SORCS3: variants seen among roughly 807,000 people sequenced by gnomAD.
The protein encoded by SORCS3 is sortilin related VPS10 domain containing receptor 3, also known as VPS10 domain-containing receptor SorCS3.
A neutral mutation model predicts 146.3 loss-of-function variants in SORCS3; 57 were observed. The observed-to-expected ratio is 0.39, with a 90% CI of 0.31 to 0.49. SORCS3 has a LOEUF of 0.49. Among genes scored for constraint, SORCS3 ranks in the 20% least tolerant of loss-of-function variants. The probability of loss-of-function intolerance (pLI) is 0.92; values close to 1 mark genes in which losing one functional copy is unlikely to be tolerated. For missense variants in SORCS3, 1,341 were observed against 1,575.5 expected (o/e 0.85, Z 2.52); for synonymous variants, 653 against 618.5 (o/e 1.06, Z -0.83).
chr10:104,931,553 G>T (rs1287644846), intron 3 of SORCS3, among the ~76,000 whole-genome samples: 1 of 152,102 alleles, frequency 6.6e-6, no homozygotes, highest in Non-Finnish European at 1.5e-5. Context: ...TCTGAGTCAG[G>T]GTTGAATAAA....
In SORCS3 at chr10:105,264,874, A is replaced by ATATAATGTAT. The variant is rs2056982596; in HGVS notation, c.*1501_*1510dup. ...CTGAGCACACTTATTTTTGAAAATG[A>ATATAATGTAT]TATAATGTATATATATGGGAGGAAA... On this transcript the variant is annotated 3_prime_UTR_variant, in exon 27 of 27. Transcript: ENST00000369701. The ATATAATGTAT allele has an allele frequency of 6.6e-6, 1 of 152,658 alleles. No homozygotes were observed. The highest frequency in any genetic ancestry group is 1.5e-5 in the Non-Finnish European group (1 of 68,042). The allele number at this position is 152,658 out of a possible 1,614,324, so 9.5% of individuals were successfully genotyped here. A position where few individuals can be genotyped will look rare whatever the true frequency, so the allele number is the denominator to read the frequency against.
chr10:104,747,994 T>A (rs1468429214), intron 1 of SORCS3, among the ~76,000 whole-genome samples: 1 of 152,260 alleles, frequency 6.6e-6, no homozygotes, highest in African/African-American at 2.4e-5. Flanking sequence ...ACATGGTTGT[T>A]GTGAGGATTA....
intron 4 of SORCS3, among the ~76,000 whole-genome samples, chr10:105,021,665 A>G (rs1251295176): frequency 6.6e-6 from 1 of 152,190 alleles, no homozygotes; most frequent in East Asian, 1.9e-4. Context: ...ATAAATACAT[A>G]CCGCATAATA....
chr10:104,667,987 A>G (rs1024766170), intron 1 of SORCS3, among the ~76,000 whole-genome samples: 2 of 151,988 alleles, frequency 1.3e-5, no homozygotes, highest in Non-Finnish European at 2.9e-5. Flanking sequence ...GATTCATCTG[A>G]GTTTCAGGAG....
chr10:105,137,259 A>C (rs1233406503), intron 7 of SORCS3, among the ~76,000 whole-genome samples: 2 of 152,122 alleles, frequency 1.3e-5, no homozygotes, highest in Non-Finnish European at 2.9e-5. Flanking sequence ...TGTTTGGTTC[A>C]GGGTAAGGTT....
At chr10:104,705,025 G>T (rs141240886) in intron 1 of SORCS3, among the ~76,000 whole-genome samples, 5 of 152,116 alleles carry the variant, frequency 3.3e-5, no homozygotes, top group Middle Eastern at 3.4e-3. Flanking sequence ...CCCAACCCCA[G>T]ATATGTCTAT....
chr10:104,874,082 A>G (rs549373245), intron 2 of SORCS3, among the ~76,000 whole-genome samples: 1 of 152,222 alleles, frequency 6.6e-6, no homozygotes, highest in African/African-American at 2.4e-5. Flanking sequence ...AAGGGAGCTT[A>G]TCCTGAACAT....
intron 1 of SORCS3, among the ~76,000 whole-genome samples, chr10:104,838,174 T>A (rs2133542946): frequency 6.6e-6 from 1 of 152,244 alleles, no homozygotes; most frequent in Middle Eastern, 3.4e-3. Context: ...TCTGGGGCCA[T>A]CAGCTGGAGG....
intron 4 of SORCS3, among the ~76,000 whole-genome samples, chr10:105,003,002 C>T (rs2055071259): frequency 6.6e-6 from 1 of 152,150 alleles, no homozygotes; most frequent in South Asian, 2.1e-4. Flanking sequence ...ATCCCCGTTT[C>T]ATAGATATAA....
At chr10:104,892,285 C>T (rs957568573) in intron 2 of SORCS3, among the ~76,000 whole-genome samples, 8 of 152,124 alleles carry the variant, frequency 5.3e-5, no homozygotes, top group Admixed American at 1.3e-4. Flanking sequence ...TTATTTTGGC[C>T]GAGGGTGGAA....
chr10:104,658,447 T>G (rs1017543259), intron 1 of SORCS3, among the ~76,000 whole-genome samples: 1 of 152,238 alleles, frequency 6.6e-6, no homozygotes, highest in African/African-American at 2.4e-5. Context: ...CTTTTTTATT[T>G]TGAGATGGAG....
At chr10:105,250,487 T>G (rs932540131) in intron 22 of SORCS3, among the ~76,000 whole-genome samples, 1 of 152,156 alleles carries the variant, frequency 6.6e-6, no homozygotes, top group Admixed American at 6.5e-5. Context: ...TCCCTTTGGA[T>G]GGGTTAAATG....
At chr10:105,253,786 G>A (rs951532026) in intron 23 of SORCS3, among the ~76,000 whole-genome samples, 2 of 152,252 alleles carry the variant, frequency 1.3e-5, no homozygotes, top group African/African-American at 2.4e-5. Flanking sequence ...CGGTAGAGAT[G>A]TGATTGCAGT....
intron 16 of SORCS3, among the ~76,000 whole-genome samples, chr10:105,201,579 C>G (rs2056575267): frequency 6.6e-6 from 1 of 152,216 alleles, no homozygotes; most frequent in Admixed American, 6.5e-5. Context: ...GGTTAGAGAG[C>G]TACTGCCTTG....
At chr10:104,689,339 C>T (rs934720514) in intron 1 of SORCS3, among the ~76,000 whole-genome samples, 1 of 150,118 alleles carries the variant, frequency 6.7e-6, no homozygotes, top group South Asian at 2.1e-4. Flanking sequence ...GCCTTCAGGA[C>T]TCTTACTCTT....
chr10:104,731,205 C>A (rs2016703216), intron 1 of SORCS3, among the ~76,000 whole-genome samples: 1 of 152,148 alleles, frequency 6.6e-6, no homozygotes, highest in Admixed American at 6.5e-5. Context: ...CTGGAGGGAG[C>A]TTTTGAGAAA....
Position 104,888,201 on chromosome 10 carries a change from C to A in SORCS3, c.696-27632C>A, listed in dbSNP as rs544513339. ...CTCATACAATTGTAACAGTTAACCTCTTTTAAACGATTTTACTCTTTTATT... is the reference window on the plus strand; with the variant it reads ...CTCATACAATTGTAACAGTTAACCTATTTTAAACGATTTTACTCTTTTATT... On this transcript the variant is annotated intron_variant, in intron 2 of 26. Transcript: ENST00000369701. 7.9e-5 allele frequency among the ~76,000 whole-genome samples: 12 copies of A among 152,314 alleles called. No individual in the cohort carries two copies. The South Asian group carries it at 2.5e-3, about 32-fold the overall frequency.
At chr10:104,762,544 T>C (rs1589489571) in intron 1 of SORCS3, among the ~76,000 whole-genome samples, 1 of 152,256 alleles carries the variant, frequency 6.6e-6, no homozygotes, top group East Asian at 1.9e-4. Flanking sequence ...TTAGAAACGC[T>C]TGGTGATATG....
At chr10:104,731,009 G>A (rs1424932959) in intron 1 of SORCS3, among the ~76,000 whole-genome samples, 1 of 152,222 alleles carries the variant, frequency 6.6e-6, no homozygotes, top group Non-Finnish European at 1.5e-5. Context: ...TGGGGCCAGG[G>A]GGCCAAGGTT....
Sources: allele counts gnomAD v4.1 joint callset (sites outside exome capture counted in the v4.1 genomes callset), GRCh38; gene constraint gnomAD v4.1.1; transcripts MANE v1.5; gene names NCBI Gene and HGNC (gene_info 2026-07-23, HGNC 2026-07-21).